Variants in USP26 observed in about 807,000 individuals in gnomAD.
USP26 encodes the protein ubiquitin carboxyl-terminal hydrolase 26.
For missense variants in USP26, 649 were observed against 642.3 expected (o/e 1.01, Z -0.11); for synonymous variants, 236 against 240.6 (o/e 0.98, Z 0.18).
chrX:133,035,625 A>T lies in USP26; in HGVS notation c.-76-7329T>A, dbSNP rs187725074. On this transcript the variant is annotated intron_variant, in intron 5 of 5. Coordinates refer to ENST00000511190, the MANE Select transcript of USP26 (RefSeq NM_031907.3). ...CCCACCTGCCTCCTTTATTATTATT[A>T]TTTTTTTCCTGTCTCATCTGGATGG... is the stretch of plus-strand genomic sequence containing the variant. 1.7e-3 allele frequency among the ~76,000 whole-genome samples: 191 copies of T among 111,340 alleles called. 1 individual carries two copies. Among genetic ancestry groups the T allele is most frequent in the African/African-American group, 5.5e-3 (170 of 30,674 alleles).
At chrX:133,069,570 A>G (rs1367070523) in intron 5 of USP26, among the ~76,000 whole-genome samples, 1 of 111,429 alleles carries the variant, frequency 9.0e-6, no homozygotes, top group Non-Finnish European at 1.9e-5. Context: ...TATAAGAAAT[A>G]TAAATATTAC....
chrX:133,039,941 T>C (rs188914693), intron 5 of USP26, among the ~76,000 whole-genome samples: 3 of 111,970 alleles, frequency 2.7e-5, no homozygotes, highest in African/African-American at 9.7e-5. Context: ...TTTACCATTA[T>C]GTAATGCCCT....
chrX:133,086,867 T>C (rs866061349), intron 4 of USP26, among the ~76,000 whole-genome samples: 10 of 91,567 alleles, frequency 1.1e-4, no homozygotes, highest in South Asian at 5.6e-4. Flanking sequence ...TGAGCCGAGA[T>C]CACACCACTG....
chrX:133,049,354 A>G (rs1171504771), intron 5 of USP26, among the ~76,000 whole-genome samples: 2 of 112,125 alleles, frequency 1.8e-5, no homozygotes, highest in South Asian at 3.8e-4. Flanking sequence ...TTCTTTCAAT[A>G]TCAGTACATA....
At chrX:133,054,302 A>T (rs992209606) in intron 5 of USP26, among the ~76,000 whole-genome samples, 1 of 110,923 alleles carries the variant, frequency 9.0e-6, no homozygotes, top group Non-Finnish European at 1.9e-5. Context: ...CCAATTAATT[A>T]TTTTACCTTC....
At chrX:133,056,651 T>G (rs901136192) in intron 5 of USP26, among the ~76,000 whole-genome samples, 37 of 111,883 alleles carry the variant, frequency 3.3e-4, no homozygotes, top group African/African-American at 1.1e-3. Flanking sequence ...ATAAGGCAGT[T>G]GAAAAAAACA....
chrX:133,080,776 A>G (rs945435637), intron 5 of USP26, among the ~76,000 whole-genome samples: 2 of 111,703 alleles, frequency 1.8e-5, no homozygotes, highest in Non-Finnish European at 3.8e-5. Flanking sequence ...GGGCATTGGT[A>G]TCTGCTTCTT....
intron 4 of USP26, among the ~76,000 whole-genome samples, chrX:133,084,037 A>C (rs7059518): frequency 0.03 from 3,330 of 111,019 alleles, 76 homozygotes; most frequent in East Asian, 0.1. Context: ...TCTATTTGAG[A>C]AATCTGGCAG....
intron 3 of USP26, among the ~76,000 whole-genome samples, 199 bp downstream of exon 3, chrX:133,090,519 T>A (rs900346128): frequency 8.9e-6 from 1 of 112,601 alleles, no homozygotes; most frequent in Non-Finnish European, 1.9e-5. Flanking sequence ...GGTATTCCCA[T>A]GTACTGAAAG....
rs758746791 is a variant in USP26, at chrX:133,073,883, C to T, written c.-77+9824G>A. ...AGAGGTGTGGCCAGAGCATGGTCAC[C>T]GAGATTCCTGACCTAGTCCCATATC... On this transcript the variant is annotated intron_variant, in intron 5 of 5. Coordinates refer to ENST00000511190, the MANE Select transcript of USP26 (RefSeq NM_031907.3). Among the ~76,000 whole-genome samples the T allele has an allele frequency of 9.0e-5, 10 of 111,234 alleles. No individual in the cohort carries two copies. The South Asian group carries it at 2.8e-3, about 31-fold the overall frequency.
At chrX:133,071,964 C>T (rs1372650362) in intron 5 of USP26, among the ~76,000 whole-genome samples, 1 of 111,456 alleles carries the variant, frequency 9.0e-6, no homozygotes, top group African/African-American at 3.3e-5. Context: ...AGACATCCAG[C>T]ACAGGGGCCA....
At chrX:133,038,687 A>C (rs1041261701) in intron 5 of USP26, among the ~76,000 whole-genome samples, 1 of 112,152 alleles carries the variant, frequency 8.9e-6, no homozygotes, top group Admixed American at 9.4e-5. Flanking sequence ...AAAATGAGTT[A>C]GGGAGTAGTC....
At chrX:133,038,094 C>T (rs2067402484) in intron 5 of USP26, among the ~76,000 whole-genome samples, 1 of 111,607 alleles carries the variant, frequency 9.0e-6, no homozygotes, top group Non-Finnish European at 1.9e-5. Context: ...TCTAAATATA[C>T]AATCATGTCT....
At chrX:133,093,802 A>G (rs1002111945) in intron 1 of USP26, among the ~76,000 whole-genome samples, 3 of 108,101 alleles carry the variant, frequency 2.8e-5, no homozygotes, top group Non-Finnish European at 5.7e-5. Flanking sequence ...GCAACATGGC[A>G]AAATTCCGTC....
At chrX:133,071,164 C>A (rs1218671059) in intron 5 of USP26, among the ~76,000 whole-genome samples, 1 of 110,976 alleles carries the variant, frequency 9.0e-6, no homozygotes, top group Non-Finnish European at 1.9e-5. Context: ...TTGCAGTGAG[C>A]TGAGATTGCA....
intron 5 of USP26, among the ~76,000 whole-genome samples, chrX:133,081,879 C>T (rs1048685633): frequency 2.7e-5 from 3 of 111,982 alleles, no homozygotes; most frequent in Non-Finnish European, 5.6e-5. Context: ...AACTGAGCGG[C>T]AACAGTACTG....
At chrX:133,050,242 C>G (rs959204374) in intron 5 of USP26, among the ~76,000 whole-genome samples, 66 of 111,997 alleles carry the variant, frequency 5.9e-4, no homozygotes, top group African/African-American at 2.0e-3. Context: ...GCACTTCTCC[C>G]ACTCTAGCCC....
chrX:133,033,591 T>A (rs1265435324), intron 5 of USP26, among the ~76,000 whole-genome samples: 1 of 112,720 alleles, frequency 8.9e-6, no homozygotes, highest in Non-Finnish European at 1.9e-5. Context: ...AAATATGAAT[T>A]CATTAAGAAA....
chrX:133,037,746 T>A (rs2067400766), intron 5 of USP26, among the ~76,000 whole-genome samples: 1 of 112,162 alleles, frequency 8.9e-6, no homozygotes, highest in Non-Finnish European at 1.9e-5. Flanking sequence ...TAGCATTGAA[T>A]CTATAAATTA....
Sources: allele counts gnomAD v4.1 joint callset (sites outside exome capture counted in the v4.1 genomes callset), GRCh38; gene constraint gnomAD v4.1.1; transcripts MANE v1.5; gene names NCBI Gene and HGNC (gene_info 2026-07-23, HGNC 2026-07-21).